The following ATRNL1 variants were observed in gnomAD, a reference collection of about 807,000 sequenced individuals.
ATRNL1 encodes attractin like 1.
Under a neutral mutation model 182.7 loss-of-function variants are expected in ATRNL1, and 95 were observed. That is an observed-to-expected ratio of 0.52 (90% CI 0.44 to 0.62). The LOEUF is 0.62. ATRNL1 is among the 20% of genes least tolerant of loss of function. The pLI, the probability that ATRNL1 is intolerant of heterozygous loss-of-function variation, is 0.00. For missense variants in ATRNL1, 1,471 were observed against 1,679.5 expected (o/e 0.88, Z 2.17); for synonymous variants, 576 against 568.3 (o/e 1.01, Z -0.19).
intron 21 of ATRNL1, among the ~76,000 whole-genome samples, chr10:115,433,642 T>G (rs926980765): frequency 6.6e-6 from 1 of 152,144 alleles, no homozygotes; most frequent in Non-Finnish European, 1.5e-5. Flanking sequence ...CCCTGTACTT[T>G]TAGATTTTTA....
intron 26 of ATRNL1, among the ~76,000 whole-genome samples, chr10:115,648,456 T>C (rs1859773338): frequency 6.6e-6 from 1 of 152,100 alleles, no homozygotes; most frequent in East Asian, 1.9e-4. Flanking sequence ...AAAAACTACT[T>C]TAAAGTTCAC....
intron 19 of ATRNL1, among the ~76,000 whole-genome samples, chr10:115,341,159 G>A (rs1418427846): frequency 6.6e-6 from 1 of 151,852 alleles, no homozygotes; most frequent in Non-Finnish European, 1.5e-5. Context: ...GGCACTTATA[G>A]CTAGACACTT....
At chr10:115,474,090 T>C (rs1848426046) in intron 24 of ATRNL1, among the ~76,000 whole-genome samples, 1 of 151,386 alleles carries the variant, frequency 6.6e-6, no homozygotes, top group Non-Finnish European at 1.5e-5. Flanking sequence ...TTTCCTTCCA[T>C]CTGCTAACTT....
chr10:115,366,605 T>C (rs1228909885), intron 19 of ATRNL1, among the ~76,000 whole-genome samples: 1 of 150,044 alleles, frequency 6.7e-6, no homozygotes, highest in Non-Finnish European at 1.5e-5. Context: ...TGCAGTTTCT[T>C]CCTAGTCTCG....
intron 8 of ATRNL1, among the ~76,000 whole-genome samples, chr10:115,186,739 G>GTA: frequency 6.6e-6 from 1 of 152,122 alleles, no homozygotes; most frequent in African/African-American, 2.4e-5. Context: ...GGTGCAGAAA[G>GTA]TATATATACA....
chr10:115,651,951 A>T (rs1052132269), intron 26 of ATRNL1, among the ~76,000 whole-genome samples: 1 of 152,108 alleles, frequency 6.6e-6, no homozygotes, highest in Non-Finnish European at 1.5e-5. Context: ...TTAGTTAACT[A>T]TTATAATAAT....
chr10:115,559,450 G>GCGCGCGTGCACA (rs1554998460), intron 26 of ATRNL1, among the ~76,000 whole-genome samples: 1 of 128,562 alleles, frequency 7.8e-6, no homozygotes, highest in African/African-American at 3.3e-5. Flanking sequence ...GTGTGCGCGC[G>GCGCGCGTGCACA]CGCACGCACG....
intron 28 of ATRNL1, among the ~76,000 whole-genome samples, chr10:115,892,987 A>G (rs1952116507): frequency 6.6e-6 from 1 of 152,222 alleles, no homozygotes; most frequent in African/African-American, 2.4e-5. Flanking sequence ...AATTCTTTAT[A>G]AACATATATG....
intron 24 of ATRNL1, among the ~76,000 whole-genome samples, chr10:115,493,637 G>A (rs1849416473): frequency 6.6e-6 from 1 of 152,258 alleles, no homozygotes; most frequent in South Asian, 2.1e-4. Context: ...ACCCAATAAT[G>A]GGATTGCTGG....
chr10:115,306,737 A>AT (rs1449448050), intron 17 of ATRNL1, among the ~76,000 whole-genome samples: 1 of 151,932 alleles, frequency 6.6e-6, no homozygotes, highest in African/African-American at 2.4e-5. Context: ...CTCTGTTTGC[A>AT]TTTTTTGTAT....
intron 19 of ATRNL1, among the ~76,000 whole-genome samples, chr10:115,393,952 C>CTCTAAAAGGATGAACTAAAAAGA (rs1844160727): frequency 6.6e-6 from 1 of 151,922 alleles, no homozygotes; most frequent in Non-Finnish European, 1.5e-5. Context: ...TCGTCTAGTA[C>CTCTAAAAGGATGAACTAAAAAGA]TCTAAAAGGA....
chr10:115,270,824 C>T (rs1851828282), intron 13 of ATRNL1, among the ~76,000 whole-genome samples: 1 of 152,094 alleles, frequency 6.6e-6, no homozygotes, highest in Non-Finnish European at 1.5e-5. Flanking sequence ...GTGTCCACCC[C>T]ATGTCTTGGA....
At chr10:115,817,075 C>G (rs1198010329) in intron 27 of ATRNL1, among the ~76,000 whole-genome samples, 1 of 152,036 alleles carries the variant, frequency 6.6e-6, no homozygotes, top group African/African-American at 2.4e-5. Context: ...CCTTCAGAAT[C>G]CCCATGCCTT....
intron 18 of ATRNL1, among the ~76,000 whole-genome samples, chr10:115,316,849 C>T (rs1347763675): frequency 6.6e-6 from 1 of 152,088 alleles, no homozygotes; most frequent in Non-Finnish European, 1.5e-5. Flanking sequence ...AAAATTTTCT[C>T]CTATTCTGTA....
intron 8 of ATRNL1, among the ~76,000 whole-genome samples, chr10:115,188,386 G>A (rs1848038703): frequency 6.6e-6 from 1 of 152,004 alleles, no homozygotes; most frequent in Admixed American, 6.6e-5. Flanking sequence ...ACGGCTTTTA[G>A]GGAATCTACA....
At chr10:115,837,842 A>G (rs1020796307) in intron 27 of ATRNL1, among the ~76,000 whole-genome samples, 3 of 152,214 alleles carry the variant, frequency 2.0e-5, no homozygotes, top group African/African-American at 7.2e-5. Flanking sequence ...CTTGCCATCA[A>G]TCACCAAAAC....
chr10:115,492,615 C>A (rs1592734555), intron 24 of ATRNL1, among the ~76,000 whole-genome samples: 1 of 135,666 alleles, frequency 7.4e-6, no homozygotes, highest in Non-Finnish European at 1.6e-5. Context: ...TAATTCATTT[C>A]TTTTAATTCT....
chr10:115,581,457 C>T (rs1855072028), intron 26 of ATRNL1, among the ~76,000 whole-genome samples: 1 of 152,082 alleles, frequency 6.6e-6, no homozygotes. Flanking sequence ...CTCATTTGAA[C>T]TACACACTCT....
intron 24 of ATRNL1, among the ~76,000 whole-genome samples, chr10:115,510,492 A>G (rs891502847): frequency 6.6e-6 from 1 of 152,022 alleles, no homozygotes; most frequent in Admixed American, 6.6e-5. Context: ...AAAAGAAAAC[A>G]TGCTAAAGGC....
Sources: allele counts gnomAD v4.1 joint callset (sites outside exome capture counted in the v4.1 genomes callset), GRCh38; gene constraint gnomAD v4.1.1; transcripts MANE v1.5; gene names NCBI Gene and HGNC (gene_info 2026-07-23, HGNC 2026-07-21).